Variants in ERP44 observed in about 807,000 individuals in gnomAD.
The protein encoded by ERP44 is endoplasmic reticulum protein 44.
ERP44 carries 25 observed loss-of-function variants against 53.4 expected under a neutral mutation model. The observed-to-expected ratio is 0.47, with a 90% confidence interval of 0.34 to 0.65. The LOEUF (loss-of-function observed/expected upper bound fraction) is 0.65. Among genes scored for constraint, ERP44 ranks in the 30% least tolerant of loss-of-function variants. The pLI is 0.01. For synonymous variants in ERP44, 145 were observed against 161.2 expected (o/e 0.90, Z 0.76); for missense variants, 338 against 493.2 (o/e 0.69, Z 2.98).
At chr9:100,004,466 T>C (rs1370367732) in intron 10 of ERP44, among the ~76,000 whole-genome samples, 4 of 152,192 alleles carry the variant, frequency 2.6e-5, no homozygotes, top group Admixed American at 6.5e-5. Flanking sequence ...AGATATTGCC[T>C]GGCACCAGGA....
At chr9:100,076,132 T>C (rs1826353035) in intron 1 of ERP44, among the ~76,000 whole-genome samples, 1 of 152,202 alleles carries the variant, frequency 6.6e-6, no homozygotes, top group Admixed American at 6.5e-5. Context: ...AACTGAATGT[T>C]TGACTATAGG....
chr9:100,056,775 A>C (rs1296479410), intron 3 of ERP44, among the ~76,000 whole-genome samples: 1 of 152,222 alleles, frequency 6.6e-6, no homozygotes, highest in African/African-American at 2.4e-5. Flanking sequence ...TTTTATAGGA[A>C]TTGAAAGAAG....
intron 1 of ERP44, among the ~76,000 whole-genome samples, chr9:100,068,412 C>T (rs1162609977): frequency 2.1e-5 from 1 of 48,604 alleles, no homozygotes; most frequent in Non-Finnish European, 4.7e-5. Flanking sequence ...GGCCAGCCGC[C>T]GGGCCAGCCG....
chr9:100,051,747 A>G (rs1826040341), intron 4 of ERP44, among the ~76,000 whole-genome samples: 1 of 152,194 alleles, frequency 6.6e-6, no homozygotes, highest in South Asian at 2.1e-4. Context: ...AGGAAACACC[A>G]CTAGCAAGAT....
chr9:100,094,377 G>A (rs1164538732), intron 1 of ERP44, among the ~76,000 whole-genome samples: 1 of 152,126 alleles, frequency 6.6e-6, no homozygotes, highest in African/African-American at 2.4e-5. Flanking sequence ...AGTATTCCAG[G>A]CCGGGCGTGG....
At chr9:100,036,606 C>G (rs1825850429) in intron 4 of ERP44, among the ~76,000 whole-genome samples, 1 of 152,068 alleles carries the variant, frequency 6.6e-6, no homozygotes. Context: ...CGCAATATGC[C>G]TTACTGTAAT....
chr9:100,068,397 TGCCCGGCCAGCC>T (rs1397759503), intron 1 of ERP44, among the ~76,000 whole-genome samples: 2 of 53,120 alleles, frequency 3.8e-5, no homozygotes, highest in Non-Finnish European at 7.2e-5. Flanking sequence ...GTCAGCCCCC[TGCCCGGCCAGCC>T]GCCGGGCCAG....
At chr9:100,049,933 C>G (rs1826018599) in intron 4 of ERP44, among the ~76,000 whole-genome samples, 1 of 150,842 alleles carries the variant, frequency 6.6e-6, no homozygotes, top group African/African-American at 2.4e-5. Flanking sequence ...AGGAAGTGAA[C>G]AGATAAACAA....
chr9:100,045,944 C>A (rs527943747), intron 4 of ERP44, among the ~76,000 whole-genome samples: 4 of 152,040 alleles, frequency 2.6e-5, no homozygotes, highest in Admixed American at 6.6e-5. Context: ...GCAAAAAAAA[C>A]CTAATTGTCT....
intron 11 of ERP44, among the ~76,000 whole-genome samples, chr9:99,984,382 GTT>G (rs1256791032): frequency 6.6e-6 from 1 of 151,592 alleles, no homozygotes; most frequent in Non-Finnish European, 1.5e-5. Context: ...TGTAACAGAA[GTT>G]ACAAGGTGGA....
At chr9:100,078,810 C>T (rs759772995) in intron 1 of ERP44, among the ~76,000 whole-genome samples, 20 of 152,008 alleles carry the variant, frequency 1.3e-4, no homozygotes, top group Admixed American at 2.6e-4. Context: ...TTATTTATCA[C>T]GTGACATGAG....
intron 7 of ERP44, among the ~76,000 whole-genome samples, chr9:100,017,106 A>G (rs950097019): frequency 3.3e-5 from 5 of 152,346 alleles, no homozygotes; most frequent in Non-Finnish European, 7.3e-5. Context: ...TATTACCTAC[A>G]TATCTGTTTC....
rs372299406 is a variant in ERP44, at chr9:100,076,868, C to T, written c.58-16696G>A. On this transcript the variant is annotated intron_variant, in intron 1 of 11. Coordinates refer to ENST00000262455, the MANE Select transcript of ERP44 (RefSeq NM_015051.3). ...CTCCTTCCCCAGCCACCCCTGTCAT[C>T]GCCCAATGGGCCCCATGAACAAAGT... 1.6e-4 allele frequency among the ~76,000 whole-genome samples: 25 copies of T among 152,344 alleles called. 1 individual carries two copies. The highest frequency in any genetic ancestry group is 9.8e-4 in the Admixed American group (15 of 15,304).
At chr9:100,068,117 G>A (rs1463320172) in intron 1 of ERP44, among the ~76,000 whole-genome samples, 2 of 146,154 alleles carry the variant, frequency 1.4e-5, no homozygotes, top group African/African-American at 5.1e-5. Flanking sequence ...GCCCCATCCA[G>A]GAGGTGAGGG....
chr9:100,044,488 C>A (rs1401984113), intron 4 of ERP44, among the ~76,000 whole-genome samples: 1 of 151,734 alleles, frequency 6.6e-6, no homozygotes, highest in Non-Finnish European at 1.5e-5. Context: ...ATGAAAAACT[C>A]AGGACAACCA....
intron 8 of ERP44, among the ~76,000 whole-genome samples, chr9:100,010,780 A>G (rs1461383243): frequency 6.6e-6 from 1 of 152,002 alleles, no homozygotes; most frequent in Non-Finnish European, 1.5e-5. Flanking sequence ...GGGCGCCTGT[A>G]ATCCCAGCTA....
chr9:100,068,976 G>A (rs1008693423), intron 1 of ERP44, among the ~76,000 whole-genome samples: 1 of 152,194 alleles, frequency 6.6e-6, no homozygotes, highest in African/African-American at 2.4e-5. Context: ...GGATCCTGTG[G>A]ATCTGTGACC....
chr9:100,080,947 A>T (rs1271522613), intron 1 of ERP44, among the ~76,000 whole-genome samples: 2 of 152,184 alleles, frequency 1.3e-5, no homozygotes, highest in African/African-American at 4.8e-5. Context: ...TAAGAAAAAA[A>T]GCTTCCTATA....
intron 8 of ERP44, among the ~76,000 whole-genome samples, chr9:100,012,420 G>A (rs1355488575): frequency 1.3e-5 from 2 of 152,006 alleles, no homozygotes; most frequent in Non-Finnish European, 2.9e-5. Context: ...TGTCCCAGTG[G>A]GGTATTCTGA....
Sources: gnomAD v4.1 joint callset for allele counts (sites outside exome capture counted in the v4.1 genomes callset) on GRCh38, gnomAD v4.1.1 for gene constraint, MANE v1.5 for transcripts, NCBI Gene and HGNC (gene_info 2026-07-23, HGNC 2026-07-21) for gene names.